The following TSC2 variants were observed in gnomAD, a reference collection of about 807,000 sequenced individuals.
The protein encoded by TSC2 is TSC complex subunit 2, also known as tuberin.
A neutral mutation model predicts 202.2 loss-of-function variants in TSC2; 29 were observed. The observed-to-expected ratio is 0.14, with a 90% CI of 0.11 to 0.20. TSC2 has a LOEUF of 0.20. TSC2 is among the 10% of genes least tolerant of loss of function. The probability of loss-of-function intolerance (pLI) is 1.00; values close to 1 mark genes in which losing one functional copy is unlikely to be tolerated. For missense variants in TSC2, 2,429 were observed against 2,420.0 expected (o/e 1.00, Z -0.08); for synonymous variants, 1,349 against 1,044.0 (o/e 1.29, Z -5.63).
At chr16:2,070,982 T>A (rs529774378) in intron 17 of TSC2, among the ~76,000 whole-genome samples, 7,909 of 151,264 alleles carry the variant, frequency 0.052, 711 homozygotes, top group African/African-American at 0.18. Context: ...AGGGCAGAGC[T>A]GAGAGGGCAG....
In TSC2 at chr16:2,055,502, C is replaced by T. The variant is rs750174170; in HGVS notation, c.582C>T (p.Tyr194=). ...TCAATAGCTGTTACCTCGACGAGTA[C>T]ATCGCAAGGATGGTTCAGTAAGAAA... is the stretch of plus-strand genomic sequence containing the variant. ...VKFNSCYLDE[Y]IARMVQMICL... The change falls in exon 6 of 42, where the codon TAC becomes TAT. Residue 194 remains tyrosine, a synonymous_variant. Coordinates refer to ENST00000219476, the MANE Select transcript of TSC2 (RefSeq NM_000548.5). 2.5e-6 allele frequency: 4 copies of T among 1,613,928 alleles called. No individual in the cohort carries two copies. The highest frequency in any genetic ancestry group is 1.1e-5 in the South Asian group (1 of 91,090).
intron 22 of TSC2, chr16:2,074,855 C>T (rs377329166): frequency 5.2e-5 from 13 of 251,084 alleles, no homozygotes; most frequent in South Asian, 3.6e-4. Flanking sequence ...GAGAGAAGAT[C>T]GTGTGTGCTT....
rs531580505 is a variant in TSC2, at chr16:2,061,173, A to G, written c.1119+360A>G. 301 of 371,412 alleles carry G rather than the reference A, an allele frequency of 8.1e-4. 1 individual carries two copies. The highest frequency in any genetic ancestry group is 5.7e-3 in the African/African-American group (272 of 47,744). 23.0% of individuals were successfully genotyped at this position (371,412 alleles called of 1,614,324 possible). A position where few individuals can be genotyped will look rare whatever the true frequency, so the allele number is the denominator to read the frequency against. On this transcript the variant is annotated intron_variant, in intron 11 of 41. Transcript: ENST00000219476. ...CTTCCGCATGACTTTGGAGGACCGC[A>G]TTAGTCGAGTCTGTTAACCACAGCT... is the stretch of plus-strand genomic sequence containing the variant.
intron 26 of TSC2, chr16:2,078,637 C>T: frequency 2.9e-6 from 1 of 345,008 alleles, no homozygotes; most frequent in Non-Finnish European, 5.6e-6. Flanking sequence ...ATGGGGATCC[C>T]AGACCTCTGT....
rs562945619 is a variant in TSC2 at position 2,072,976 on chromosome 16, C to T, written c.2348C>T (p.Thr783Ile). The T allele has an allele frequency of 3.5e-5, 57 of 1,613,400 alleles. No individual in the cohort carries two copies. The highest frequency in any genetic ancestry group is 3.2e-4 in the South Asian group (29 of 91,092). ...TCTTACCATAACTACCTGGACAAAACCAAACAGGTAGGAGGTCAGAGCAGG... is the reference window on the plus strand; with the variant it reads ...TCTTACCATAACTACCTGGACAAAATCAAACAGGTAGGAGGTCAGAGCAGG... Reference protein sequence around the residue: ...LISYHNYLDKTKQREMVYCLE... With the variant: ...LISYHNYLDKIKQREMVYCLE... The change falls in exon 21 of 42, where the codon ACC becomes ATC. Residue 783 changes from threonine to isoleucine, a missense_variant. Thr to Ile is a moderately conservative substitution (Grantham distance 89). Coordinates refer to ENST00000219476, the MANE Select transcript of TSC2 (RefSeq NM_000548.5).
intron 16 of TSC2, among the ~76,000 whole-genome samples, chr16:2,069,191 G>A (rs1483619619): frequency 6.6e-6 from 1 of 152,218 alleles, no homozygotes; most frequent in Admixed American, 6.5e-5. Context: ...TTGGTTCCAT[G>A]TGGCCTTCCC....
chr16:2,058,768 C>G lies in TSC2; in HGVS notation c.870C>G (p.Pro290=), dbSNP rs1166082765. The G allele has an allele frequency of 1.3e-6, 2 of 1,588,628 alleles. No homozygotes were observed. Among genetic ancestry groups the G allele is most frequent in the South Asian group, 1.1e-5 (1 of 87,390 alleles). Residue 290 remains proline, a synonymous_variant, in exon 10 of 42, where the codon CCC becomes CCG. Transcript: ENST00000219476. ...TTAGAGCCTACATGGAGGACGCGCC[C>G]CTGCTGAGAGGAGCCGTGTTTTTTG... ...MEDRAYMEDA[P]LLRGAVFFVG...
chr16:2,085,326 A>C lies in TSC2; in HGVS notation c.4662+4A>C. On this transcript the variant is annotated splice_donor_region_variant and intron_variant, in intron 36 of 41. Transcript: ENST00000219476. ...CCTGTATGTTGGAGAAGGCCAGGTG[A>C]GGCTGCGGGGCCGGCCTAGGTGCCT... is the stretch of plus-strand genomic sequence containing the variant. 1 of 1,612,612 alleles carries C rather than the reference A, an allele frequency of 6.2e-7. No homozygotes were observed.
At chr16:2,065,847 G>T (rs548080452) in intron 16 of TSC2, among the ~76,000 whole-genome samples, 60 of 152,212 alleles carry the variant, frequency 3.9e-4, no homozygotes, top group Non-Finnish European at 7.6e-4. Context: ...CCTGACCAGA[G>T]CTTGTCTCTG....
intron 16 of TSC2, 67 bp downstream of exon 16, chr16:2,065,702 C>A: frequency 7.1e-7 from 1 of 1,403,546 alleles, no homozygotes. Flanking sequence ...GCTGCATCTG[C>A]GTTGTGTTGG....
At chr16:2,073,515 G>A (rs965862157) in intron 21 of TSC2, among the ~76,000 whole-genome samples, 24 of 152,276 alleles carry the variant, frequency 1.6e-4, no homozygotes, top group Non-Finnish European at 2.9e-4. Context: ...TGCCCGCCAG[G>A]AGATGCTGAC....
intron 33 of TSC2, 144 bp from the exon 34 acceptor site, chr16:2,084,084 C>T (rs1028925391): frequency 4.3e-5 from 63 of 1,450,796 alleles, no homozygotes; most frequent in South Asian, 1.4e-4. Context: ...GCTGCGTCAA[C>T]GGGCGGGGGC....
At chr16:2,077,065 A>G (rs1023127631) in intron 25 of TSC2, among the ~76,000 whole-genome samples, 5 of 152,252 alleles carry the variant, frequency 3.3e-5, no homozygotes, top group African/African-American at 9.6e-5. Flanking sequence ...CTAGATGGGA[A>G]TACGGCATTT....
At position 2,057,087 on chromosome 16, in the gene TSC2, A is replaced by G. The variant is rs1415572593; in HGVS notation, c.775-18A>G. On this transcript the variant is annotated intron_variant, in intron 8 of 41. Transcript: ENST00000219476. ...GGGCTTATGCCTGCCAGCCCCTGAC[A>G]CGCATTGTGTCTCGCAGCTGATGCG... The G allele has an allele frequency of 1.3e-6, 2 of 1,550,980 alleles. No homozygotes were observed. The highest frequency in any genetic ancestry group is 1.7e-6 in the Non-Finnish European group (2 of 1,146,956).
chr16:2,085,826 A>G (rs911998253), intron 36 of TSC2, among the ~76,000 whole-genome samples: 1 of 152,048 alleles, frequency 6.6e-6, no homozygotes, highest in African/African-American at 2.4e-5. Flanking sequence ...CAGAGGGCAC[A>G]TGGCCTGACT....
chr16:2,048,363 C>T lies in TSC2; in HGVS notation c.-29-224C>T, dbSNP rs1198870247. 6 of 868,378 alleles carry T rather than the reference C, an allele frequency of 6.9e-6. No individual in the cohort carries two copies. In the East Asian group the frequency reaches 1.1e-4, roughly 15 times the overall value. The allele number at this position is 868,378 out of a possible 1,614,324, so 53.8% of individuals were successfully genotyped here. On this transcript the variant is annotated intron_variant, in intron 1 of 41. Transcript: ENST00000219476. ...CTGAGTCGGGCGGGGCGGGCGGCAG[C>T]GTCTGAGTAGAGAGCTCTCTAGACC...
Position 2,084,175 on chromosome 16 carries a change from T to C in TSC2, c.4006-53T>C. On this transcript the variant is annotated intron_variant, in intron 33 of 41. Transcript: ENST00000219476. ...TCACCACCTCCAGGTCAACCCCAGG[T>C]GGGCTCGAGGGTGCCTGCTGACAGG... The C allele has an allele frequency of 2.6e-6, 4 of 1,550,984 alleles. No individual in the cohort carries two copies. In the South Asian group the frequency reaches 4.7e-5, roughly 18 times the overall value.
intron 10 of TSC2, among the ~76,000 whole-genome samples, chr16:2,060,219 G>C (rs1283695070): frequency 1.3e-5 from 2 of 152,222 alleles, no homozygotes; most frequent in Non-Finnish European, 2.9e-5. Flanking sequence ...CTCCCTGGAG[G>C]GTGGGGCGAT....
chr16:2,079,815 C>CA lies in TSC2; in HGVS notation c.3397+146_3397+147insA. On this transcript the variant is annotated intron_variant, in intron 29 of 41. Coordinates refer to ENST00000219476, the MANE Select transcript of TSC2 (RefSeq NM_000548.5). The surrounding 1 kb of genome is among the most constrained non-coding windows in gnomAD (Gnocchi z 4.6). ...ACGTCCTGACTCTGGGGTGAGCCTT[C>CA]CACAGCTCACCCCAGAGCCGTGGAG... The CA allele has an allele frequency of 1.3e-6, 1 of 780,330 alleles. No individual in the cohort carries two copies. Among genetic ancestry groups the CA allele is most frequent in the Non-Finnish European group, 2.0e-6 (1 of 499,926 alleles). 48.3% of individuals were successfully genotyped at this position (780,330 alleles called of 1,614,324 possible).
Sources: gnomAD v4.1 joint callset for allele counts (sites outside exome capture counted in the v4.1 genomes callset) on GRCh38, gnomAD v4.1.1 for gene constraint, Gnocchi (gnomAD v3.1) non-coding constraint, MANE v1.5 for transcripts, NCBI Gene and HGNC (gene_info 2026-07-23, HGNC 2026-07-21) for gene names.